MMS22L: variants seen among roughly 807,000 people sequenced by gnomAD.
MMS22L encodes MMS22 like, DNA repair protein.
In MMS22L, 74 loss-of-function variants were observed where a neutral mutation model predicts 159.1. The observed-to-expected ratio is 0.47, with a 90% CI of 0.39 to 0.56. The LOEUF is 0.56. MMS22L is among the 20% of genes least tolerant of loss of function. MMS22L has a pLI of 0.00. For synonymous variants in MMS22L, 517 were observed against 506.9 expected, an observed-to-expected ratio of 1.02 and a Z score of -0.27; for missense variants, 1,351 against 1,422.1, an observed-to-expected ratio of 0.95 and a Z score of 0.80.
chr6:97,247,952 T>G (rs1010068436), intron 10 of MMS22L, among the ~76,000 whole-genome samples: 3 of 152,166 alleles, frequency 2.0e-5, no homozygotes, highest in African/African-American at 7.2e-5. Context: ...TAAATCAATA[T>G]TTTCTTAATA....
chr6:97,177,115 C>A (rs968688378), intron 18 of MMS22L, among the ~76,000 whole-genome samples: 2 of 152,040 alleles, frequency 1.3e-5, no homozygotes, highest in African/African-American at 4.8e-5. Flanking sequence ...TCCTTCTAAA[C>A]CTCATTAGCT....
At chr6:97,204,375 T>C (rs916550100) in intron 14 of MMS22L, among the ~76,000 whole-genome samples, 1 of 152,154 alleles carries the variant, frequency 6.6e-6, no homozygotes. Context: ...ATTAACTGGA[T>C]GTATAATGGA....
At chr6:97,281,386 T>C in intron 2 of MMS22L, 24 bp from the exon 3 acceptor site, 1 of 1,565,204 alleles carries the variant, frequency 6.4e-7, no homozygotes, top group Non-Finnish European at 8.7e-7. Context: ...TGTTTCAATC[T>C]CATAAAAAGT....
At chr6:97,281,188 CAA>C in intron 3 of MMS22L, 47 bp downstream of exon 3, 1 of 1,544,988 alleles carries the variant, frequency 6.5e-7, no homozygotes, top group Non-Finnish European at 8.7e-7. Context: ...ACGTAATTTA[CAA>C]AAGTGAACAA....
At chr6:97,192,099 T>C (rs949560965) in intron 14 of MMS22L, among the ~76,000 whole-genome samples, 2 of 152,094 alleles carry the variant, frequency 1.3e-5, no homozygotes, top group African/African-American at 2.4e-5. Context: ...AATGCCTCCA[T>C]GTAACAGACA....
At chr6:97,184,450 T>C (rs965022345) in intron 15 of MMS22L, among the ~76,000 whole-genome samples, 1 of 152,104 alleles carries the variant, frequency 6.6e-6, no homozygotes, top group East Asian at 1.9e-4. Flanking sequence ...AGGATCATTA[T>C]CTAAGTGCCT....
intron 14 of MMS22L, among the ~76,000 whole-genome samples, chr6:97,209,795 TAAGAA>T (rs1249624487): frequency 6.6e-6 from 1 of 151,962 alleles, no homozygotes; most frequent in African/African-American, 2.4e-5. Flanking sequence ...AATTGATGCT[TAAGAA>T]AAGTCTTTCC....
intron 12 of MMS22L, 63 bp from the exon 13 acceptor site, chr6:97,231,715 G>C (rs1810894685): frequency 8.4e-7 from 1 of 1,196,888 alleles, no homozygotes; most frequent in African/African-American, 1.6e-5. Flanking sequence ...AAAATGGTAA[G>C]CTGCAAATCC....
chr6:97,189,178 C>G (rs1284831560), intron 14 of MMS22L, among the ~76,000 whole-genome samples: 2 of 151,390 alleles, frequency 1.3e-5, no homozygotes, highest in Non-Finnish European at 2.9e-5. Flanking sequence ...CCTTTGACCT[C>G]TCCACAACAA....
At position 97,233,998 on chromosome 6, in the gene MMS22L, G is replaced by C. The variant is rs1216488033; in HGVS notation, c.1183-18C>G. 1 of 1,602,312 alleles carries C rather than the reference G, an allele frequency of 6.2e-7. No homozygotes were observed. Among genetic ancestry groups the C allele is most frequent in the Admixed American group, 1.7e-5 (1 of 57,896 alleles). On this transcript the variant is annotated intron_variant, in intron 11 of 24. Coordinates refer to ENST00000683635, the MANE Select transcript of MMS22L (RefSeq NM_001350599.2). ...ATGACACCCTAAAAAATAAACTGAA[G>C]TTATGAGAAGGTAAATGGGCTCTGG...
chr6:97,208,762 C>T (rs1808058309), intron 14 of MMS22L, among the ~76,000 whole-genome samples: 1 of 151,946 alleles, frequency 6.6e-6, no homozygotes, highest in Admixed American at 6.6e-5. Context: ...TACTTAAAAC[C>T]TATAGTCTTT....
chr6:97,259,459 A>G (rs1465876825), intron 9 of MMS22L: 2 of 152,142 alleles, frequency 1.3e-5, no homozygotes, highest in Non-Finnish European at 2.9e-5. Context: ...TGAATACAAC[A>G]AAAAGTCCTC....
chr6:97,169,827 A>G (rs1803337959), intron 19 of MMS22L, among the ~76,000 whole-genome samples: 1 of 152,124 alleles, frequency 6.6e-6, no homozygotes, highest in Admixed American at 6.6e-5. Context: ...CTCAGGTGCA[A>G]TACAGGTATG....
At position 97,186,490 on chromosome 6, in the gene MMS22L, T is replaced by A; in HGVS notation, c.2233+7A>T. 6.2e-7 allele frequency: 1 copy of A among 1,609,372 alleles called. No homozygotes were observed. Among genetic ancestry groups the A allele is most frequent in the Non-Finnish European group, 8.5e-7 (1 of 1,178,012 alleles). ...GAGAAATTAGCAAATTAATAATTAA[T>A]GCTGACCTGCAGCTGCATCCGCAAG... is the stretch of plus-strand genomic sequence containing the variant. On this transcript the variant is annotated splice_region_variant and intron_variant, in intron 15 of 24. Coordinates refer to ENST00000683635, the MANE Select transcript of MMS22L (RefSeq NM_001350599.2).
chr6:97,201,314 A>G (rs536693840), intron 14 of MMS22L, among the ~76,000 whole-genome samples: 1 of 152,280 alleles, frequency 6.6e-6, no homozygotes, highest in East Asian at 1.9e-4. Flanking sequence ...GCTTGTTCCT[A>G]TAATTCATGA....
In MMS22L at chr6:97,213,070, T is replaced by A. The variant is rs1323007318; in HGVS notation, c.2039+15824A>T. On this transcript the variant is annotated intron_variant, in intron 14 of 24. Coordinates refer to ENST00000683635, the MANE Select transcript of MMS22L (RefSeq NM_001350599.2). ...GTGTGTGTGTGCGTGTGTGTGTGTCTGTAGACAGAGTAACATGTCTTTGAT... is the reference window on the plus strand; with the variant it reads ...GTGTGTGTGTGCGTGTGTGTGTGTCAGTAGACAGAGTAACATGTCTTTGAT... Among the ~76,000 whole-genome samples, 4 of 152,312 alleles carry A rather than the reference T, an allele frequency of 2.6e-5. No homozygotes were observed. The East Asian group carries it at 7.7e-4, about 29-fold the overall frequency.
intron 23 of MMS22L, among the ~76,000 whole-genome samples, chr6:97,151,133 T>A (rs1207949012): frequency 6.6e-6 from 1 of 152,182 alleles, no homozygotes; most frequent in Non-Finnish European, 1.5e-5. Flanking sequence ...CCTGTCATCA[T>A]GACTCACATT....
At chr6:97,216,820 C>T (rs1809065429) in intron 14 of MMS22L, among the ~76,000 whole-genome samples, 1 of 152,296 alleles carries the variant, frequency 6.6e-6, no homozygotes, top group South Asian at 2.1e-4. Flanking sequence ...GGAAAAGTAG[C>T]TTTTGCCTCA....
Position 97,182,012 on chromosome 6 carries a change from G to A in MMS22L, c.2276C>T (p.Ser759Leu), listed in dbSNP as rs775045437. Residue 759 changes from serine to leucine, a missense_variant, in exon 16 of 25, where the codon TCA becomes TTA. Transcript: ENST00000683635. ...TATAACTGGCTGAGGCTGAAAATCTGATGGAGCTGTGCTTGGCATGTCCAT... is the reference window on the plus strand; with the variant it reads ...TATAACTGGCTGAGGCTGAAAATCTAATGGAGCTGTGCTTGGCATGTCCAT... ...LAMDMPSTAP[S>L]DFQPQPVISI... The A allele has an allele frequency of 1.2e-6, 2 of 1,613,702 alleles. No individual in the cohort carries two copies. Among genetic ancestry groups the A allele is most frequent in the South Asian group, 2.2e-5 (2 of 91,030 alleles).
Sources: gnomAD v4.1 joint callset for allele counts (sites outside exome capture counted in the v4.1 genomes callset) on GRCh38, gnomAD v4.1.1 for gene constraint, MANE v1.5 for transcripts, NCBI Gene and HGNC (gene_info 2026-07-23, HGNC 2026-07-21) for gene names.